The following POU3F3 variants were observed in gnomAD, a reference collection of about 807,000 sequenced individuals.
The protein encoded by POU3F3 is POU class 3 homeobox 3.
In POU3F3, 1 loss-of-function variant was observed where a neutral mutation model predicts 8.6. That is an observed-to-expected ratio of 0.12 (90% CI 0.04 to 0.55). The LOEUF is 0.55. Ranked by LOEUF, POU3F3 falls within the 20% of genes least tolerant of loss-of-function variation. The pLI is 0.91. For missense variants in POU3F3, 577 were observed against 690.7 expected, an observed-to-expected ratio of 0.84 and a Z score of 1.84; for synonymous variants, 418 against 327.4, an observed-to-expected ratio of 1.28 and a Z score of -2.99.
chr2:104,870,927 CTT>C, the POU3F3 span, among the ~76,000 whole-genome samples: 3 of 152,344 alleles, frequency 2.0e-5, no homozygotes, highest in African/African-American at 7.2e-5. Context: ...TTTTCAGTCA[CTT>C]AGCTTATGAC....
chr2:104,876,313 A>T, the POU3F3 span, among the ~76,000 whole-genome samples: 1 of 152,188 alleles, frequency 6.6e-6, no homozygotes, highest in Non-Finnish European at 1.5e-5. Context: ...AGTGCCTTAG[A>T]CATTGGCCAT....
chr2:104,855,735 C>T lies in POU3F3; in HGVS notation c.225C>T (p.Ser75=). 3 of 1,300,934 alleles carry T rather than the reference C, an allele frequency of 2.3e-6. 1 individual carries two copies. Among genetic ancestry groups the T allele is most frequent in the South Asian group, 2.6e-5 (2 of 75,802 alleles). 80.6% of individuals were successfully genotyped at this position (1,300,934 alleles called of 1,614,324 possible). A position where few individuals can be genotyped will look rare whatever the true frequency, so the allele number is the denominator to read the frequency against. ...GDPSSVKMVQ[S]DFMQGAMAAS... ...CGTCCTCTGTCAAGATGGTCCAGAG[C>T]GACTTCATGCAGGGGGCCATGGCCG... The change falls in exon 1 of 1, where the codon AGC becomes AGT. Residue 75 remains serine, a synonymous_variant. Coordinates refer to ENST00000361360, the MANE Select transcript of POU3F3 (RefSeq NM_006236.3).
the POU3F3 span, among the ~76,000 whole-genome samples, chr2:104,871,233 T>A: frequency 6.6e-6 from 1 of 152,242 alleles, no homozygotes; most frequent in Non-Finnish European, 1.5e-5. Flanking sequence ...TTTGCGTAAC[T>A]TGGCAGAGCC....
At chr2:104,875,909 G>A in the POU3F3 span, among the ~76,000 whole-genome samples, 1 of 151,966 alleles carries the variant, frequency 6.6e-6, no homozygotes, top group Non-Finnish European at 1.5e-5. Flanking sequence ...GTAGAGACAG[G>A]GTTTCACCAT....
At chr2:104,885,683 A>G in the POU3F3 span, among the ~76,000 whole-genome samples, 1 of 152,228 alleles carries the variant, frequency 6.6e-6, no homozygotes, top group East Asian at 1.9e-4. Flanking sequence ...ACCCCTCTCC[A>G]GGAAAACTCA....
At chr2:104,892,580 C>T in the POU3F3 span, among the ~76,000 whole-genome samples, 1 of 151,974 alleles carries the variant, frequency 6.6e-6, no homozygotes, top group African/African-American at 2.4e-5. Context: ...ATCCTCCTGC[C>T]TCAGCCTCCC....
the POU3F3 span, among the ~76,000 whole-genome samples, chr2:104,920,084 A>G: frequency 2.0e-5 from 3 of 152,146 alleles, no homozygotes; most frequent in East Asian, 3.9e-4. Context: ...GCGCAATCTC[A>G]GCCCACTGCA....
At chr2:104,867,344 C>CG in the POU3F3 span, 1 of 152,320 alleles carries the variant, frequency 6.6e-6, no homozygotes, top group Non-Finnish European at 1.5e-5. The surrounding 1 kb of genome is among the most constrained non-coding windows in gnomAD (Gnocchi z 5.0). Context: ...CCGAGGGGCC[C>CG]GGGAGGGGGA....
the POU3F3 span, among the ~76,000 whole-genome samples, chr2:104,902,961 C>T: frequency 1.3e-5 from 2 of 152,182 alleles, no homozygotes; most frequent in Non-Finnish European, 1.5e-5. Context: ...ACTCTGAGAG[C>T]TAAAAATCTC....
the POU3F3 span, among the ~76,000 whole-genome samples, chr2:104,898,093 G>A: frequency 6.6e-6 from 1 of 152,186 alleles, no homozygotes; most frequent in Non-Finnish European, 1.5e-5. Context: ...CAAGGGTGGA[G>A]CCCTTGTGAG....
downstream of POU3F3, among the ~76,000 whole-genome samples, chr2:104,861,445 G>A (rs1676653777): frequency 6.6e-6 from 1 of 152,186 alleles, no homozygotes; most frequent in Admixed American, 6.5e-5. Flanking sequence ...TGAAATGCAC[G>A]TGGCTGGCTG....
the POU3F3 span, among the ~76,000 whole-genome samples, chr2:104,876,841 C>A: frequency 1.3e-5 from 2 of 152,184 alleles, no homozygotes; most frequent in Non-Finnish European, 2.9e-5. Context: ...TGCCACCAGG[C>A]CAGCTTTGCC....
At chr2:104,862,820 C>T (rs566856312), downstream of POU3F3, among the ~76,000 whole-genome samples, 3 of 152,238 alleles carry the variant, frequency 2.0e-5, no homozygotes, top group East Asian at 5.8e-4. Flanking sequence ...AATAAAAATG[C>T]CACTCTGACA....
In POU3F3 at chr2:104,856,247, G is replaced by C; in HGVS notation, c.737G>C (p.Gly246Ala). The change falls in exon 1 of 1, where the codon GGC (glycine) becomes GCC (alanine). Residue 246 changes from glycine to alanine, a missense_variant. Physicochemically the swap from Gly to Ala is moderately conservative, Grantham distance 60. Transcript: ENST00000361360. ...APPGPGGGGGGAGGGAQSLVH... is the reference protein window; with the variant it reads ...APPGPGGGGGAAGGGAQSLVH... ...CCGGGGCCCGGCGGCGGCGGCGGCG[G>C]CGCGGGCGGTGGAGCCCAGAGCTTG... 1 of 1,284,278 alleles carries C rather than the reference G, an allele frequency of 7.8e-7. No individual in the cohort carries two copies. The highest frequency in any genetic ancestry group is 9.8e-7 in the Non-Finnish European group (1 of 1,025,326). The allele number at this position is 1,284,278 out of a possible 1,614,324, so 79.6% of individuals were successfully genotyped here.
At chr2:104,865,542 A>G in the POU3F3 span, 1 of 152,240 alleles carries the variant, frequency 6.6e-6, no homozygotes, top group Non-Finnish European at 1.5e-5. Flanking sequence ...CTGGGAGACC[A>G]CACATTAGCT....
At chr2:104,915,589 T>C in the POU3F3 span, among the ~76,000 whole-genome samples, 1 of 152,134 alleles carries the variant, frequency 6.6e-6, no homozygotes, top group African/African-American at 2.4e-5. Context: ...GTGGTGTCTG[T>C]GGCAGCCTGG....
the POU3F3 span, among the ~76,000 whole-genome samples, chr2:104,879,472 A>AT: frequency 2.0e-5 from 3 of 151,228 alleles, no homozygotes; most frequent in Admixed American, 6.6e-5. Flanking sequence ...ATTTCTCCTT[A>AT]TTTTTTTCCC....
chr2:104,896,849 A>T, the POU3F3 span, among the ~76,000 whole-genome samples: 16 of 152,176 alleles, frequency 1.1e-4, no homozygotes, highest in African/African-American at 3.9e-4. Flanking sequence ...TGTTCCCTTC[A>T]TGTGTGGGAT....
chr2:104,903,773 G>A, the POU3F3 span, among the ~76,000 whole-genome samples: 2 of 152,216 alleles, frequency 1.3e-5, no homozygotes, highest in African/African-American at 2.4e-5. Context: ...TTAGAAAAAT[G>A]TTTGTCTGTG....
Sources: gnomAD v4.1 joint callset for allele counts (sites outside exome capture counted in the v4.1 genomes callset) on GRCh38, gnomAD v4.1.1 for gene constraint, Gnocchi (gnomAD v3.1) non-coding constraint, MANE v1.5 for transcripts, NCBI Gene and HGNC (gene_info 2026-07-23, HGNC 2026-07-21) for gene names.